ZNF385D: variants seen among roughly 807,000 people sequenced by gnomAD.
The protein encoded by ZNF385D is zinc finger protein 385D.
In ZNF385D, 15 loss-of-function variants were observed where a neutral mutation model predicts 35.8. The observed-to-expected ratio is 0.42, with a 90% CI of 0.28 to 0.64. The LOEUF (loss-of-function observed/expected upper bound fraction) is 0.64. Ranked by LOEUF, ZNF385D falls within the 30% of genes least tolerant of loss-of-function variation. ZNF385D has a pLI of 0.23. For synonymous variants in ZNF385D, 212 were observed against 186.8 expected (o/e 1.13, Z -1.10); for missense variants, 474 against 494.6 (o/e 0.96, Z 0.39).
chr3:21,862,640 C>T (rs1352137), intron 3 of ZNF385D, among the ~76,000 whole-genome samples: 117,753 of 152,068 alleles, frequency 0.77, 45,953 homozygotes, highest in South Asian at 0.83. Flanking sequence ...AGAGAGCTAA[C>T]TGAATTAGAG....
intron 3 of ZNF385D, among the ~76,000 whole-genome samples, chr3:22,098,731 C>G (rs1701767107): frequency 6.6e-6 from 1 of 151,824 alleles, no homozygotes; most frequent in African/African-American, 2.4e-5. Flanking sequence ...TCTCAACCTC[C>G]TTAATGATCA....
intron 3 of ZNF385D, among the ~76,000 whole-genome samples, chr3:21,929,307 GA>G (rs1384190970): frequency 6.6e-6 from 1 of 151,908 alleles, no homozygotes; most frequent in Non-Finnish European, 1.5e-5. Flanking sequence ...ATTAAAAAAA[GA>G]ACTTTCTCAA....
At chr3:21,636,484 C>A (rs542908093) in intron 2 of ZNF385D, among the ~76,000 whole-genome samples, 4 of 144,830 alleles carry the variant, frequency 2.8e-5, no homozygotes, top group Non-Finnish European at 4.5e-5. Flanking sequence ...AGCTGAGAAG[C>A]GAAGAAGAAG....
upstream of ZNF385D, among the ~76,000 whole-genome samples, chr3:21,755,066 G>A (rs1056157404): frequency 4.6e-5 from 7 of 152,232 alleles, no homozygotes; most frequent in African/African-American, 1.4e-4. Flanking sequence ...GCCACAGTTT[G>A]TGAGTGTGTT....
At chr3:21,750,861 C>T (rs1257723848) in intron 1 of ZNF385D, 34 bp downstream of exon 1, 1 of 1,612,912 alleles carries the variant, frequency 6.2e-7, no homozygotes, top group Non-Finnish European at 8.5e-7. Context: ...GAGCCGGACA[C>T]CCCCAGAATT....
At chr3:21,962,125 C>T (rs1292652446) in intron 3 of ZNF385D, among the ~76,000 whole-genome samples, 1 of 151,870 alleles carries the variant, frequency 6.6e-6, no homozygotes, top group Non-Finnish European at 1.5e-5. Flanking sequence ...ATATTATGGG[C>T]AATAAGAGGA....
chr3:22,200,046 C>T (rs1219605275), intron 2 of ZNF385D, among the ~76,000 whole-genome samples: 1 of 152,006 alleles, frequency 6.6e-6, no homozygotes, highest in African/African-American at 2.4e-5. Context: ...TGTGTCAGCA[C>T]AGAAAGGTTA....
intron 3 of ZNF385D, among the ~76,000 whole-genome samples, chr3:21,769,042 C>A (rs1375399303): frequency 1.3e-5 from 2 of 152,022 alleles, no homozygotes; most frequent in Non-Finnish European, 2.9e-5. Context: ...TACGTCCCAT[C>A]AATACCTAAT....
At chr3:22,044,482 C>A (rs944124573) in intron 3 of ZNF385D, among the ~76,000 whole-genome samples, 2 of 152,004 alleles carry the variant, frequency 1.3e-5, no homozygotes, top group Non-Finnish European at 2.9e-5. Flanking sequence ...TAAAAAGACA[C>A]AGGCTGAAGC....
At chr3:21,971,827 G>C (rs1391961520) in intron 3 of ZNF385D, among the ~76,000 whole-genome samples, 1 of 151,744 alleles carries the variant, frequency 6.6e-6, no homozygotes, top group Non-Finnish European at 1.5e-5. Flanking sequence ...CCTTATATTA[G>C]ACAAAATAGA....
At chr3:22,036,053 G>A (rs1698297491) in intron 3 of ZNF385D, among the ~76,000 whole-genome samples, 1 of 152,006 alleles carries the variant, frequency 6.6e-6, no homozygotes, top group Non-Finnish European at 1.5e-5. Context: ...AGAAGACAAG[G>A]GTATCCTGGG....
intron 3 of ZNF385D, among the ~76,000 whole-genome samples, chr3:21,852,661 G>T (rs1359947318): frequency 6.6e-6 from 1 of 151,794 alleles, no homozygotes; most frequent in African/African-American, 2.4e-5. Flanking sequence ...GTACTACTTA[G>T]GACAAGATGA....
At chr3:21,813,332 A>C (rs989213024) in intron 3 of ZNF385D, among the ~76,000 whole-genome samples, 1 of 152,228 alleles carries the variant, frequency 6.6e-6, no homozygotes, top group African/African-American at 2.4e-5. Flanking sequence ...AATGGAACAA[A>C]GCTGGACAAA....
chr3:22,350,014 T>C (rs1695844638), intron 2 of ZNF385D, among the ~76,000 whole-genome samples: 1 of 152,108 alleles, frequency 6.6e-6, no homozygotes, highest in Non-Finnish European at 1.5e-5. Context: ...AACATGAATA[T>C]AGAGTTTGGT....
chr3:21,997,323 G>A (rs970108727), intron 3 of ZNF385D, among the ~76,000 whole-genome samples: 1 of 152,034 alleles, frequency 6.6e-6, no homozygotes, highest in Non-Finnish European at 1.5e-5. Context: ...CACAGGGTGG[G>A]GAACATCACA....
rs537842469 is a variant in ZNF385D, at chr3:22,192,170, G to A, written c.107-23135C>T. On this transcript the variant is annotated intron_variant, in intron 2 of 5. Coordinates refer to the ZNF385D transcript ENST00000494108. ...ATTGCAGTAACTTAGTCCAAAGGAG[G>A]ACATATGAGCCACACCAGGTCAGAG... Among the ~76,000 whole-genome samples, 40 of 152,264 alleles carry A rather than the reference G, an allele frequency of 2.6e-4. No homozygotes were observed. In the South Asian group the frequency reaches 8.1e-3, roughly 31 times the overall value.
intron 3 of ZNF385D, among the ~76,000 whole-genome samples, chr3:22,107,531 T>C (rs1306983281): frequency 1.3e-5 from 2 of 152,128 alleles, no homozygotes; most frequent in Non-Finnish European, 2.9e-5. Context: ...GAAGACTTTA[T>C]ATGCAAGTAG....
intron 2 of ZNF385D, among the ~76,000 whole-genome samples, chr3:22,181,350 C>T (rs1019621496): frequency 5.9e-5 from 9 of 152,066 alleles, no homozygotes; most frequent in Non-Finnish European, 1.5e-5. Flanking sequence ...CAGACCTTTC[C>T]ACAGTCCACT....
intron 3 of ZNF385D, among the ~76,000 whole-genome samples, chr3:22,153,691 T>A (rs1373182161): frequency 6.6e-6 from 1 of 152,098 alleles, no homozygotes; most frequent in Non-Finnish European, 1.5e-5. Context: ...CTTGAACTCC[T>A]GACCTCAAGT....
Sources: gnomAD v4.1 joint callset for allele counts (sites outside exome capture counted in the v4.1 genomes callset) on GRCh38, gnomAD v4.1.1 for gene constraint, MANE v1.5 for transcripts, NCBI Gene and HGNC (gene_info 2026-07-23, HGNC 2026-07-21) for gene names.